Variants in NRXN3 observed in about 807,000 individuals in gnomAD.
NRXN3 encodes neurexin 3.
NRXN3 carries 32 observed loss-of-function variants against 137.6 expected under a neutral mutation model. The observed-to-expected ratio is 0.23, with a 90% confidence interval of 0.18 to 0.31. The LOEUF is 0.31. Among genes scored for constraint, NRXN3 ranks in the 10% least tolerant of loss-of-function variants. NRXN3 has a pLI of 1.00. For synonymous variants in NRXN3, 798 were observed against 784.5 expected (o/e 1.02, Z -0.29); for missense variants, 1,574 against 2,062.5 (o/e 0.76, Z 4.59).
intron 10 of NRXN3, among the ~76,000 whole-genome samples, chr14:78,903,147 C>CTTTTTTTTTTTTT (rs965920523): frequency 3.3e-5 from 4 of 121,534 alleles, no homozygotes; most frequent in East Asian, 5.1e-4. Flanking sequence ...GTTTCATCTT[C>CTTTTTTTTTTTTT]TTTTTTTTTT....
intron 10 of NRXN3, among the ~76,000 whole-genome samples, chr14:78,943,509 G>A (rs2099357140): frequency 6.7e-6 from 1 of 149,520 alleles, no homozygotes; most frequent in Non-Finnish European, 1.5e-5. Flanking sequence ...GAAAGAGGCA[G>A]GGTTATGAGG....
chr14:79,094,948 A>AAGAG (rs138948861), intron 15 of NRXN3, among the ~76,000 whole-genome samples: 10 of 134,718 alleles, frequency 7.4e-5, no homozygotes, highest in African/African-American at 1.7e-4. Flanking sequence ...GAGAGAGAGA[A>AAGAG]AGAGAGAGAG....
chr14:79,705,689 C>G (rs73329979), intron 19 of NRXN3, among the ~76,000 whole-genome samples: 5,587 of 152,138 alleles, frequency 0.037, 331 homozygotes, highest in African/African-American at 0.13. Flanking sequence ...CTGCTATTCA[C>G]AGTACTCACT....
At chr14:78,359,220 T>G (rs2084757840) in intron 4 of NRXN3, among the ~76,000 whole-genome samples, 1 of 152,186 alleles carries the variant, frequency 6.6e-6, no homozygotes, top group African/African-American at 2.4e-5. Context: ...GGCTGCACAT[T>G]GGAATCAATG....
chr14:78,190,487 G>A (rs1470561448), intron 1 of NRXN3, among the ~76,000 whole-genome samples: 4 of 152,166 alleles, frequency 2.6e-5, no homozygotes, highest in Non-Finnish European at 5.9e-5. Context: ...AGAGGATTGG[G>A]AAGAACATTA....
chr14:78,527,527 G>A (rs907475171), intron 4 of NRXN3, among the ~76,000 whole-genome samples: 1 of 152,116 alleles, frequency 6.6e-6, no homozygotes, highest in South Asian at 2.1e-4. Context: ...TTACAATTGA[G>A]CTTGAGATTT....
At chr14:79,819,062 G>A (rs1175509604) in intron 20 of NRXN3, among the ~76,000 whole-genome samples, 1 of 152,184 alleles carries the variant, frequency 6.6e-6, no homozygotes. Context: ...CATGAAAACT[G>A]GCAATACTGT....
intron 4 of NRXN3, among the ~76,000 whole-genome samples, chr14:78,345,401 T>G (rs1183435318): frequency 6.6e-6 from 1 of 152,130 alleles, no homozygotes; most frequent in Non-Finnish European, 1.5e-5. Flanking sequence ...GAATGCTAAG[T>G]CTTACGATTT....
intron 4 of NRXN3, among the ~76,000 whole-genome samples, chr14:78,403,189 A>G (rs559284005): frequency 3.2e-4 from 48 of 152,322 alleles, no homozygotes; most frequent in Middle Eastern, 3.4e-3. Context: ...AAACTTTTGC[A>G]GCTACCTTGA....
At chr14:79,806,486 C>T (rs1224007448) in intron 20 of NRXN3, among the ~76,000 whole-genome samples, 1 of 152,034 alleles carries the variant, frequency 6.6e-6, no homozygotes, top group Non-Finnish European at 1.5e-5. Flanking sequence ...GGGAGCTCAG[C>T]TGTGTGGAGG....
At chr14:78,993,082 G>A (rs1258206108) in intron 15 of NRXN3, among the ~76,000 whole-genome samples, 1 of 152,228 alleles carries the variant, frequency 6.6e-6, no homozygotes, top group African/African-American at 2.4e-5. Flanking sequence ...ATAGCAAGCA[G>A]CTGTGGATAG....
At chr14:79,450,206 C>T (rs2096143479) in intron 15 of NRXN3, among the ~76,000 whole-genome samples, 1 of 151,948 alleles carries the variant, frequency 6.6e-6, no homozygotes, top group African/African-American at 2.4e-5. Context: ...CATTTATCTA[C>T]TCAGGTATAT....
chr14:79,802,863 T>TA (rs2099187316), intron 19 of NRXN3, among the ~76,000 whole-genome samples: 1 of 152,056 alleles, frequency 6.6e-6, no homozygotes, highest in African/African-American at 2.4e-5. Flanking sequence ...GTGTGTTTTT[T>TA]TTAAGTATGT....
chr14:79,097,148 A>G (rs756646237), intron 15 of NRXN3, among the ~76,000 whole-genome samples: 3 of 152,106 alleles, frequency 2.0e-5, no homozygotes, highest in African/African-American at 4.8e-5. Context: ...ATCACCCTAA[A>G]TAATCTATCA....
intron 16 of NRXN3, among the ~76,000 whole-genome samples, chr14:79,631,253 A>C (rs1239969627): frequency 6.6e-6 from 1 of 152,238 alleles, no homozygotes. Flanking sequence ...AGTGCTAGAG[A>C]GGAAAGGACC....
At chr14:78,645,483 G>A (rs2097677274) in intron 5 of NRXN3, 62 bp downstream of exon 5, 1 of 1,417,868 alleles carries the variant, frequency 7.1e-7, no homozygotes, top group African/African-American at 1.4e-5. Context: ...TAGTAAATTT[G>A]TGAAGCAGGT....
At chr14:79,504,808 G>A (rs2096861194) in intron 16 of NRXN3, among the ~76,000 whole-genome samples, 1 of 151,474 alleles carries the variant, frequency 6.6e-6, no homozygotes, top group African/African-American at 2.4e-5. Flanking sequence ...CAACTCTAGG[G>A]ATTTTCTGTA....
intron 10 of NRXN3, among the ~76,000 whole-genome samples, chr14:78,879,007 G>T (rs559277086): frequency 3.3e-5 from 5 of 152,076 alleles, no homozygotes; most frequent in African/African-American, 1.2e-4. Flanking sequence ...CTCAAGATTT[G>T]TCCATGTTGT....
intron 2 of NRXN3, among the ~76,000 whole-genome samples, chr14:78,251,876 G>A (rs2068681853): frequency 1.3e-5 from 2 of 152,298 alleles, no homozygotes; most frequent in South Asian, 4.1e-4. Context: ...AAGGTAAGGG[G>A]GAGTGGGGGG....
Sources: allele counts gnomAD v4.1 joint callset (sites outside exome capture counted in the v4.1 genomes callset), GRCh38; gene constraint gnomAD v4.1.1; transcripts MANE v1.5; gene names NCBI Gene and HGNC (gene_info 2026-07-23, HGNC 2026-07-21).